The following RNF128 variants were observed in gnomAD, a reference collection of about 807,000 sequenced individuals.
The protein encoded by RNF128 is E3 ubiquitin-protein ligase RNF128.
A neutral mutation model predicts 26.2 loss-of-function variants in RNF128; 13 were observed. That is an observed-to-expected ratio of 0.50 (90% CI 0.32 to 0.79). The LOEUF (loss-of-function observed/expected upper bound fraction) is 0.79, where lower values mean the gene tolerates loss of function less well. Ranked by LOEUF, RNF128 falls within the 30% of genes least tolerant of loss-of-function variation. RNF128 has a pLI of 0.03. For missense variants in RNF128, 315 were observed against 349.7 expected (o/e 0.90, Z 0.79); for synonymous variants, 149 against 142.5 (o/e 1.05, Z -0.32).
chrX:106,697,792 A>G (rs1928896344), intron 1 of RNF128, among the ~76,000 whole-genome samples: 1 of 110,737 alleles, frequency 9.0e-6, no homozygotes, highest in Non-Finnish European at 1.9e-5. Context: ...TGTATAGCCT[A>G]ATAATTGGAG....
chrX:106,748,107 A>T (rs1208114459), intron 1 of RNF128, among the ~76,000 whole-genome samples: 3 of 112,399 alleles, frequency 2.7e-5, no homozygotes, highest in South Asian at 3.6e-4. Flanking sequence ...TGAGCTATGT[A>T]ACCCATTTTT....
At chrX:106,742,788 A>G (rs747106547) in intron 1 of RNF128, among the ~76,000 whole-genome samples, 6 of 111,208 alleles carry the variant, frequency 5.4e-5, no homozygotes, top group Non-Finnish European at 1.1e-4. Context: ...CATGCACTTC[A>G]GGAAACAGAA....
chrX:106,754,113 T>G (rs1929949998), intron 1 of RNF128, among the ~76,000 whole-genome samples: 1 of 112,392 alleles, frequency 8.9e-6, no homozygotes. Flanking sequence ...TAATAGATAT[T>G]TACAGAACAT....
Position 106,727,095 on chromosome X carries a change from C to T in RNF128, c.182C>T (p.Thr61Met). The T allele has an allele frequency of 8.3e-7, 1 of 1,205,371 alleles. No homozygotes were observed. Among genetic ancestry groups the T allele is most frequent in the East Asian group, 3.0e-5 (1 of 33,705 alleles). Residue 61 changes from threonine (T) to methionine (M), a missense_variant, in exon 1 of 7, where the codon ACG (threonine) becomes ATG (methionine). Thr to Met is a moderately conservative substitution (Grantham distance 81). Transcript: ENST00000255499. ...GTTCCGCACACGGGAGTGAACCGTA[C>T]GGTGTGGGAGCTGAGCGAGGAGGGC... ...WRVPHTGVNR[T>M]VWELSEEGVY...
chrX:106,707,025 C>G (rs1015948997), intron 1 of RNF128, among the ~76,000 whole-genome samples: 1 of 111,979 alleles, frequency 8.9e-6, no homozygotes, highest in Non-Finnish European at 1.9e-5. Flanking sequence ...TTACTTGGCA[C>G]CTATTCAAAA....
chrX:106,766,154 T>G (rs1219607776), intron 1 of RNF128, among the ~76,000 whole-genome samples: 1 of 112,078 alleles, frequency 8.9e-6, no homozygotes, highest in Non-Finnish European at 1.9e-5. Context: ...TATGCTATTG[T>G]GAATAGTGCC....
At chrX:106,744,270 G>A (rs1929757425) in intron 1 of RNF128, among the ~76,000 whole-genome samples, 1 of 111,226 alleles carries the variant, frequency 9.0e-6, no homozygotes, top group African/African-American at 3.3e-5. Flanking sequence ...TTTCCTTCTT[G>A]TGCTTTAACC....
chrX:106,775,982 A>T (rs1930458483), intron 2 of RNF128, among the ~76,000 whole-genome samples: 1 of 112,508 alleles, frequency 8.9e-6, no homozygotes, highest in Non-Finnish European at 1.9e-5. Context: ...TTGTAGTGTG[A>T]TGTGTAAGAA....
Position 106,796,418 on chromosome X carries a change from T to A in RNF128, c.*705T>A, listed in dbSNP as rs1441483175. On this transcript the variant is annotated 3_prime_UTR_variant, in exon 7 of 7. Transcript: ENST00000255499. ...AATACTGTGTAACTATTTCTCAAAC[T>A]TGTGGGATTTTTCAAAAGCTCAGTA... 1 of 111,582 alleles carries A rather than the reference T, an allele frequency of 9.0e-6. No individual in the cohort carries two copies. The highest frequency in any genetic ancestry group is 1.9e-5 in the Non-Finnish European group (1 of 52,948). The allele number at this position is 111,582 out of a possible 1,213,427, so 9.2% of individuals were successfully genotyped here.
intron 1 of RNF128, among the ~76,000 whole-genome samples, chrX:106,748,936 C>G (rs1186456226): frequency 8.9e-6 from 1 of 111,771 alleles, no homozygotes; most frequent in Non-Finnish European, 1.9e-5. Flanking sequence ...CCTGATTACC[C>G]TGATTTAATC....
chrX:106,704,350 G>A (rs1238981244), intron 1 of RNF128, among the ~76,000 whole-genome samples: 5 of 106,127 alleles, frequency 4.7e-5, no homozygotes, highest in African/African-American at 1.7e-4. Context: ...GGAGAATGGC[G>A]TGAACCCGGG....
At chrX:106,708,052 G>A (rs1361847005) in intron 1 of RNF128, among the ~76,000 whole-genome samples, 1 of 111,909 alleles carries the variant, frequency 8.9e-6, no homozygotes, top group Non-Finnish European at 1.9e-5. Context: ...GGAAAAGTGA[G>A]CATCTATCCC....
At chrX:106,757,854 T>C (rs1930052557) in intron 1 of RNF128, among the ~76,000 whole-genome samples, 1 of 112,043 alleles carries the variant, frequency 8.9e-6, no homozygotes, top group African/African-American at 3.2e-5. Context: ...AGGGAAAAAC[T>C]GAAAGCCTTT....
rs775517485 is a variant in RNF128, at chrX:106,766,971, G to A, written c.485-5942G>A. 6.3e-5 allele frequency among the ~76,000 whole-genome samples: 7 copies of A among 111,731 alleles called. No homozygotes were observed. The South Asian group carries it at 2.6e-3, about 42-fold the overall frequency. ...TTCCCAGCACCATTTATTAAATAGG[G>A]AATCCTTTCCCCATTTCTTGTTTTT... On this transcript the variant is annotated intron_variant, in intron 1 of 6. Transcript: ENST00000255499.
chrX:106,741,292 T>C (rs1373055498), intron 1 of RNF128, among the ~76,000 whole-genome samples: 1 of 111,771 alleles, frequency 8.9e-6, no homozygotes, highest in Non-Finnish European at 1.9e-5. Context: ...TTTTATGCCC[T>C]CTGAAATTCC....
chrX:106,695,123 A>G (rs1928854841), intron 1 of RNF128, among the ~76,000 whole-genome samples: 1 of 111,640 alleles, frequency 9.0e-6, no homozygotes. Flanking sequence ...TTTATTTAAA[A>G]AAACAGTTTC....
chrX:106,705,032 G>T (rs1450842985), intron 1 of RNF128, among the ~76,000 whole-genome samples: 1 of 111,804 alleles, frequency 8.9e-6, no homozygotes, highest in African/African-American at 3.3e-5. Context: ...AATCACAAGG[G>T]TTTGTTCCTA....
intron 1 of RNF128, among the ~76,000 whole-genome samples, chrX:106,772,073 C>T (rs1461276504): frequency 8.9e-6 from 1 of 111,841 alleles, no homozygotes; most frequent in African/African-American, 3.2e-5. Context: ...GAATATAAAC[C>T]TTGATAAGCA....
intron 1 of RNF128, among the ~76,000 whole-genome samples, chrX:106,727,703 C>T: frequency 9.0e-6 from 1 of 111,373 alleles, no homozygotes; most frequent in East Asian, 2.8e-4. Context: ...GGTGTCTAGC[C>T]TTGGATTAAG....
Sources: gnomAD v4.1 joint callset for allele counts (sites outside exome capture counted in the v4.1 genomes callset) on GRCh38, gnomAD v4.1.1 for gene constraint, MANE v1.5 for transcripts, NCBI Gene and HGNC (gene_info 2026-07-23, HGNC 2026-07-21) for gene names.